Variants in ANKFN1 observed in about 807,000 individuals in gnomAD.
ANKFN1 encodes ankyrin repeat and fibronectin type-III domain-containing protein 1.
Under a neutral mutation model 108.7 loss-of-function variants are expected in ANKFN1, and 74 were observed. The observed-to-expected ratio is 0.68, with a 90% CI of 0.56 to 0.83. The LOEUF is 0.83. Ranked by LOEUF, ANKFN1 falls within the 40% of genes least tolerant of loss-of-function variation. The pLI is 0.00. For synonymous variants in ANKFN1, 547 were observed against 516.2 expected (o/e 1.06, Z -0.81); for missense variants, 1,505 against 1,382.3 (o/e 1.09, Z -1.41).
intron 4 of ANKFN1, among the ~76,000 whole-genome samples, chr17:56,075,298 C>T (rs1253677578): frequency 6.6e-6 from 1 of 152,140 alleles, no homozygotes; most frequent in African/African-American, 2.4e-5. Flanking sequence ...CGATGCTTAA[C>T]CCATAAGGTT....
chr17:56,252,778 G>A (rs1052541950), intron 3 of ANKFN1, among the ~76,000 whole-genome samples: 1 of 150,580 alleles, frequency 6.6e-6, no homozygotes, highest in African/African-American at 2.4e-5. Flanking sequence ...ATAATTGATG[G>A]ACCAGGTATG....
At chr17:56,315,059 C>T (rs2045159915) in intron 3 of ANKFN1, among the ~76,000 whole-genome samples, 1 of 152,160 alleles carries the variant, frequency 6.6e-6, no homozygotes, top group Non-Finnish European at 1.5e-5. Context: ...CACTGGGCTA[C>T]ATGTAACTCT....
intron 4 of ANKFN1, among the ~76,000 whole-genome samples, chr17:56,342,052 G>A (rs2045972922): frequency 6.6e-6 from 1 of 151,908 alleles, no homozygotes; most frequent in South Asian, 2.1e-4. Flanking sequence ...ATGTGACCAG[G>A]AATTTATCCA....
chr17:56,334,126 G>A (rs117039955), intron 4 of ANKFN1, among the ~76,000 whole-genome samples: 46 of 152,212 alleles, frequency 3.0e-4, no homozygotes, highest in Non-Finnish European at 4.1e-4. Context: ...ATACGTCTCA[G>A]CAATAAAAAC....
intron 1 of ANKFN1, among the ~76,000 whole-genome samples, chr17:56,194,397 G>A (rs1412188026): frequency 1.3e-5 from 2 of 152,082 alleles, no homozygotes; most frequent in African/African-American, 4.8e-5. Flanking sequence ...AAAAACTGTG[G>A]TACATCAGGC....
Position 56,133,528 on chromosome 17 carries a change from CTGTGTGTGTGTGTGTGTG to C in ANKFN1, c.288+87231_288+87248del, listed in dbSNP as rs10598270. 4.3e-3 allele frequency among the ~76,000 whole-genome samples: 625 copies of C among 146,254 alleles called. 1 individual carries two copies. The highest frequency in any genetic ancestry group is 5.3e-3 in the Admixed American group (77 of 14,648). On this transcript the variant is annotated intron_variant, in intron 4 of 12. Transcript: ENST00000635860. Reference sequence around the variant, plus strand: ...CTGATACCATTTGGGATGTGTATACCTGTGTGTGTGTGTGTGTGTGTGTGTGTGTGTGTGTGTGTGTGT... The same window carrying C: ...CTGATACCATTTGGGATGTGTATACCTGTGTGTGTGTGTGTGTGTGTGTGT...
chr17:56,480,667 G>C lies in ANKFN1; in HGVS notation c.1941-1G>C, dbSNP rs1305061098. ...TAATTTTAACTTGACTCAACATACA[G>C]AGAGGAATGGGAATGGATCCAAAAG... is the stretch of plus-strand genomic sequence containing the variant. On this transcript the variant is annotated splice_acceptor_variant, in intron 16 of 20. Coordinates refer to ENST00000682825, the MANE Select transcript of ANKFN1 (RefSeq NM_001370326.1). LOFTEE classifies it high-confidence loss of function. 3 of 1,613,488 alleles carry C rather than the reference G, an allele frequency of 1.9e-6. No individual in the cohort carries two copies. In the Admixed American group the frequency reaches 5.0e-5, roughly 27 times the overall value.
intron 3 of ANKFN1, among the ~76,000 whole-genome samples, chr17:56,283,085 G>A (rs543748443): frequency 2.0e-5 from 3 of 152,184 alleles, no homozygotes; most frequent in Admixed American, 2.0e-4. Flanking sequence ...TAATAAGCAT[G>A]GTACTCAATA....
At chr17:56,410,405 A>T (rs980910390) in intron 8 of ANKFN1, among the ~76,000 whole-genome samples, 8 of 152,092 alleles carry the variant, frequency 5.3e-5, no homozygotes, top group African/African-American at 1.9e-4. Flanking sequence ...TATTATTATT[A>T]TTTTTAATTC....
chr17:56,162,645 G>A (rs1041908643), intron 1 of ANKFN1, among the ~76,000 whole-genome samples: 2 of 152,176 alleles, frequency 1.3e-5, no homozygotes, highest in African/African-American at 4.8e-5. Context: ...ATTTGGGTGA[G>A]GGAACAAAAT....
At chr17:56,368,058 A>T in intron 6 of ANKFN1, 1 of 615,726 alleles carries the variant, frequency 1.6e-6, no homozygotes, top group Non-Finnish European at 2.4e-6. Context: ...AAATAGCCCC[A>T]TTCTGCCATC....
chr17:56,372,840 A>G lies in ANKFN1; in HGVS notation c.796A>G (p.Arg266Gly). The G allele has an allele frequency of 6.2e-7, 1 of 1,611,688 alleles. No individual in the cohort carries two copies. The highest frequency in any genetic ancestry group is 8.5e-7 in the Non-Finnish European group (1 of 1,179,322). ...RRMKTGFEHA[R>G]APEMPTNVCL... The stretch of plus-strand genomic sequence containing the variant: ...CATGAAAACAGGCTTTGAGCATGCC[A>G]GTGAGTATAAGCAGAAAATGTCTAC... Residue 266 changes from arginine to glycine, a missense_variant and splice_region_variant, in exon 7 of 21, where the codon AGA (arginine) becomes GGA (glycine). Transcript: ENST00000682825.
chr17:56,068,887 A>T (rs144126599), intron 4 of ANKFN1, among the ~76,000 whole-genome samples: 1 of 152,172 alleles, frequency 6.6e-6, no homozygotes, highest in Non-Finnish European at 1.5e-5. Flanking sequence ...TTTATCACGT[A>T]TGTATTTCTA....
intron 4 of ANKFN1, among the ~76,000 whole-genome samples, chr17:56,105,747 C>CAGGGAGAG (rs376465631): frequency 6.3e-4 from 67 of 106,262 alleles, no homozygotes; most frequent in African/African-American, 2.3e-3. Flanking sequence ...GTGTATGAGA[C>CAGGGAGAG]AGGGAGAGAG....
rs80072925 is a variant in ANKFN1, at chr17:56,205,419, A to G, written c.-70-7179A>G. Among the ~76,000 whole-genome samples, 642 of 152,342 alleles carry G rather than the reference A, an allele frequency of 4.2e-3. 2 individuals carry two copies. The highest frequency in any genetic ancestry group is 6.9e-3 in the Non-Finnish European group (467 of 68,026). Reference sequence around the variant, plus strand: ...AAAGTTGATGCAAATATTTATTTACATATCATCTGTTTGCAATTTTTATTG... The same window carrying G: ...AAAGTTGATGCAAATATTTATTTACGTATCATCTGTTTGCAATTTTTATTG... On this transcript the variant is annotated intron_variant, in intron 1 of 20. Coordinates refer to ENST00000682825, the MANE Select transcript of ANKFN1 (RefSeq NM_001370326.1).
chr17:56,321,456 C>T (rs1489293792), intron 3 of ANKFN1, among the ~76,000 whole-genome samples: 1 of 143,278 alleles, frequency 7.0e-6, no homozygotes, highest in African/African-American at 2.6e-5. Context: ...AAAGGCACTC[C>T]CTAAGAAAAA....
At chr17:56,416,632 T>C (rs1405186188) in intron 8 of ANKFN1, among the ~76,000 whole-genome samples, 1 of 152,230 alleles carries the variant, frequency 6.6e-6, no homozygotes, top group Non-Finnish European at 1.5e-5. Context: ...ACAACCACTA[T>C]GGAGAACAAT....
intron 3 of ANKFN1, among the ~76,000 whole-genome samples, chr17:56,245,159 A>G (rs2144024892): frequency 6.6e-6 from 1 of 152,262 alleles, no homozygotes. Context: ...AAAAACAGCT[A>G]AATCATGTGA....
intron 1 of ANKFN1, among the ~76,000 whole-genome samples, chr17:56,201,782 G>A (rs141333950): frequency 1.1e-3 from 162 of 152,168 alleles, no homozygotes; most frequent in African/African-American, 3.6e-3. Flanking sequence ...CTACTCTAGC[G>A]TTTTTAACAC....
Sources: gnomAD v4.1 joint callset for allele counts (sites outside exome capture counted in the v4.1 genomes callset) on GRCh38, gnomAD v4.1.1 for gene constraint, MANE v1.5 for transcripts, NCBI Gene and HGNC (gene_info 2026-07-23, HGNC 2026-07-21) for gene names.